Variants in SYT1 observed in about 807,000 individuals in gnomAD.
SYT1 encodes the protein synaptotagmin-1.
A neutral mutation model predicts 44.8 loss-of-function variants in SYT1; 8 were observed. The observed-to-expected ratio is 0.18, with a 90% CI of 0.10 to 0.32. The LOEUF is 0.32. Ranked by LOEUF, SYT1 falls within the 10% of genes least tolerant of loss-of-function variation. The pLI is 1.00. For synonymous variants in SYT1, 154 were observed against 188.8 expected (o/e 0.82, Z 1.51); for missense variants, 286 against 509.3 (o/e 0.56, Z 4.22).
In SYT1 at chr12:79,406,952, T is replaced by C. The variant is rs370595431; in HGVS notation, c.929-37121T>C. On this transcript the variant is annotated intron_variant, in intron 9 of 10. Transcript: ENST00000261205. ...GCTTTGGAGGTCATAAAGACCTTGA[T>C]TCAAATCCTGCCATTATCACTTACT... 5.9e-4 allele frequency among the ~76,000 whole-genome samples: 90 copies of C among 152,200 alleles called. 1 individual carries two copies. Among genetic ancestry groups the C allele is most frequent in the African/African-American group, 1.9e-3 (80 of 41,558 alleles).
At chr12:79,235,616 T>C (rs1246612672) in intron 4 of SYT1, among the ~76,000 whole-genome samples, 1 of 148,554 alleles carries the variant, frequency 6.7e-6, no homozygotes, top group East Asian at 1.9e-4. Context: ...GATATAAATA[T>C]ATATGTAATT....
intron 3 of SYT1, among the ~76,000 whole-genome samples, chr12:79,106,089 G>A (rs1295386331): frequency 6.6e-6 from 1 of 152,110 alleles, no homozygotes. Context: ...TGAGTGAACT[G>A]TAGACCTGCT....
chr12:79,032,589 T>C (rs571373973), intron 2 of SYT1, among the ~76,000 whole-genome samples: 19 of 151,448 alleles, frequency 1.3e-4, no homozygotes, highest in South Asian at 1.0e-3. Context: ...CTAGTCTTAA[T>C]ACAGTTAGCA....
intron 3 of SYT1, among the ~76,000 whole-genome samples, chr12:79,068,809 T>C (rs1189522618): frequency 6.6e-6 from 1 of 151,922 alleles, no homozygotes; most frequent in Non-Finnish European, 1.5e-5. Context: ...AACTCAGGAG[T>C]TCATGAGCAG....
intron 6 of SYT1, among the ~76,000 whole-genome samples, chr12:79,293,415 A>ATAATAAAATAAAATAAAATAAAAT: frequency 6.7e-6 from 1 of 148,590 alleles, no homozygotes; most frequent in African/African-American, 2.5e-5. Context: ...TAAAATTAAA[A>ATAATAAAATAAAATAAAATAAAAT]AATCTGTAAG....
chr12:79,010,124 C>T (rs986457397), intron 2 of SYT1, among the ~76,000 whole-genome samples: 4 of 152,056 alleles, frequency 2.6e-5, no homozygotes, highest in African/African-American at 9.7e-5. Context: ...GTTTCTTTAT[C>T]CTGTTCTTTC....
chr12:79,385,312 A>G (rs1444234491), intron 9 of SYT1, among the ~76,000 whole-genome samples: 2 of 152,190 alleles, frequency 1.3e-5, no homozygotes, highest in African/African-American at 4.8e-5. Context: ...CCATATGGAA[A>G]AAACTACTAT....
chr12:79,251,668 G>T (rs1877219257), intron 4 of SYT1, among the ~76,000 whole-genome samples: 1 of 152,154 alleles, frequency 6.6e-6, no homozygotes, highest in African/African-American at 2.4e-5. Flanking sequence ...CTGGGCTATA[G>T]ATACTTGCTT....
chr12:79,068,592 AG>A (rs1876039256), intron 3 of SYT1, among the ~76,000 whole-genome samples: 1 of 152,160 alleles, frequency 6.6e-6, no homozygotes. Context: ...AACAAATAAA[AG>A]TTTCATAGGA....
intron 3 of SYT1, among the ~76,000 whole-genome samples, chr12:79,145,468 C>A (rs1869821277): frequency 6.6e-6 from 1 of 151,876 alleles, no homozygotes. Flanking sequence ...TTATCTAATT[C>A]TTTACATGCA....
intron 1 of SYT1, among the ~76,000 whole-genome samples, chr12:78,907,780 G>C (rs1369361864): frequency 6.6e-6 from 1 of 151,974 alleles, no homozygotes; most frequent in Non-Finnish European, 1.5e-5. Flanking sequence ...ATGTGAGTTT[G>C]CCTATGCTTT....
intron 3 of SYT1, among the ~76,000 whole-genome samples, chr12:79,199,474 T>C (rs1873654177): frequency 6.6e-6 from 1 of 152,166 alleles, no homozygotes; most frequent in Non-Finnish European, 1.5e-5. Context: ...CCATATTGTG[T>C]AGGCTTTATT....
chr12:79,233,863 A>G (rs1422312819), intron 4 of SYT1, among the ~76,000 whole-genome samples: 2 of 152,238 alleles, frequency 1.3e-5, no homozygotes, highest in Non-Finnish European at 2.9e-5. Context: ...AATTACAGGA[A>G]AACATATAGG....
chr12:79,245,730 ATGATTTCT>A (rs935625938), intron 4 of SYT1, among the ~76,000 whole-genome samples: 34 of 152,332 alleles, frequency 2.2e-4, no homozygotes, highest in Middle Eastern at 3.4e-3. Context: ...TAAATTCAAC[ATGATTTCT>A]TATAGATCAT....
intron 4 of SYT1, among the ~76,000 whole-genome samples, chr12:79,268,576 G>C (rs1193899877): frequency 6.6e-6 from 1 of 152,182 alleles, no homozygotes; most frequent in East Asian, 1.9e-4. Flanking sequence ...CAATTTATCT[G>C]CCCTAAAAAG....
At chr12:78,938,330 C>A (rs1378091266) in intron 1 of SYT1, among the ~76,000 whole-genome samples, 1 of 152,100 alleles carries the variant, frequency 6.6e-6, no homozygotes, top group Non-Finnish European at 1.5e-5. Context: ...GACAACTCAC[C>A]CTTTCCTCTG....
chr12:79,176,581 G>A (rs995439582), intron 3 of SYT1, among the ~76,000 whole-genome samples: 13 of 151,924 alleles, frequency 8.6e-5, no homozygotes, highest in African/African-American at 1.4e-4. Context: ...AACCTGCTTC[G>A]TACAGTACAT....
At chr12:79,129,295 T>C (rs1868652291) in intron 3 of SYT1, among the ~76,000 whole-genome samples, 1 of 152,212 alleles carries the variant, frequency 6.6e-6, no homozygotes, top group Non-Finnish European at 1.5e-5. Context: ...CATCAGATGA[T>C]ATTTTCAGCA....
chr12:79,353,432 A>G (rs988936960), intron 8 of SYT1, 70 bp from the exon 9 acceptor site: 3 of 1,165,866 alleles, frequency 2.6e-6, no homozygotes, highest in Admixed American at 3.5e-5. Context: ...AAGAATTTAC[A>G]ATATATATGT....
Sources: allele counts gnomAD v4.1 joint callset (sites outside exome capture counted in the v4.1 genomes callset), GRCh38; gene constraint gnomAD v4.1.1; transcripts MANE v1.5; gene names NCBI Gene and HGNC (gene_info 2026-07-23, HGNC 2026-07-21).